ZC3H12B: variants seen among roughly 807,000 people sequenced by gnomAD.
The protein encoded by ZC3H12B is zinc finger CCCH-type containing 12B, also known as probable ribonuclease ZC3H12B.
A neutral mutation model predicts 43.9 loss-of-function variants in ZC3H12B; 7 were observed. The ratio of observed to expected loss-of-function variants is 0.16; its 90% CI spans 0.09 to 0.30. ZC3H12B has a LOEUF of 0.30. Ranked by LOEUF, ZC3H12B falls within the 10% of genes least tolerant of loss-of-function variation. ZC3H12B has a pLI of 1.00. For missense variants in ZC3H12B, 475 were observed against 670.2 expected (o/e 0.71, Z 3.22); for synonymous variants, 222 against 241.7 (o/e 0.92, Z 0.76).
the ZC3H12B span, among the ~76,000 whole-genome samples, chrX:65,060,925 A>G: frequency 5.4e-5 from 6 of 111,544 alleles, no homozygotes; most frequent in Non-Finnish European, 9.4e-5. Context: ...ACTTGTTACT[A>G]TAGCTTCATT....
At chrX:65,120,295 CA>C in the ZC3H12B span, among the ~76,000 whole-genome samples, 2 of 111,623 alleles carry the variant, frequency 1.8e-5, no homozygotes, top group South Asian at 7.5e-4. Context: ...AATGTTCTTC[CA>C]TTTGTTTGTA....
chrX:65,299,167 C>T, the ZC3H12B span, among the ~76,000 whole-genome samples: 1 of 112,017 alleles, frequency 8.9e-6, no homozygotes, highest in Non-Finnish European at 1.9e-5. Context: ...AAATAGAAAG[C>T]ATGAAGTTCA....
the ZC3H12B span, among the ~76,000 whole-genome samples, chrX:65,063,808 G>A: frequency 9.0e-6 from 1 of 111,684 alleles, no homozygotes; most frequent in African/African-American, 3.3e-5. Flanking sequence ...TGGTTGATAA[G>A]CTATTAATTA....
the ZC3H12B span, among the ~76,000 whole-genome samples, chrX:65,228,051 G>T: frequency 9.0e-6 from 1 of 111,638 alleles, no homozygotes; most frequent in African/African-American, 3.3e-5. Context: ...GCATCATCTT[G>T]ATACTAAAGC....
the ZC3H12B span, among the ~76,000 whole-genome samples, chrX:65,193,082 A>T: frequency 9.3e-6 from 1 of 107,734 alleles, no homozygotes; most frequent in Non-Finnish European, 1.9e-5. Flanking sequence ...TTTTGCATCA[A>T]TATTAATCAG....
the ZC3H12B span, among the ~76,000 whole-genome samples, chrX:65,129,299 A>G: frequency 1.8e-5 from 2 of 108,118 alleles, no homozygotes; most frequent in Admixed American, 2.0e-4. Context: ...TAGAATATAT[A>G]TGTCATATGC....
chrX:65,053,717 C>A, the ZC3H12B span, among the ~76,000 whole-genome samples: 4 of 111,569 alleles, frequency 3.6e-5, no homozygotes, highest in African/African-American at 1.3e-4. Context: ...AGTTTACAGT[C>A]CCACCAACAG....
the ZC3H12B span, among the ~76,000 whole-genome samples, chrX:65,249,991 G>A: frequency 1.8e-5 from 2 of 109,624 alleles, no homozygotes; most frequent in Non-Finnish European, 3.8e-5. Context: ...ACAACGTGCA[G>A]GTTTGTTACA....
At position 65,443,682 on chromosome X, in the gene ZC3H12B, T is replaced by C. The variant is rs773798290; in HGVS notation, n.408-44964T>C. Among the ~76,000 whole-genome samples the C allele has an allele frequency of 1.4e-3, 158 of 112,723 alleles. 1 individual carries two copies. Among genetic ancestry groups the C allele is most frequent in the African/African-American group, 5.0e-3 (155 of 31,102 alleles). ...GTTTAAGAATGCCTTTAAGCGGTTT[T>C]CCAGCCTGGGCGGGCCAGGTGTTCC... On this transcript the variant is annotated intron_variant and non_coding_transcript_variant, in intron 3 of 5. Coordinates refer to the ZC3H12B transcript ENST00000617377.
the ZC3H12B span, among the ~76,000 whole-genome samples, chrX:65,304,560 G>A: frequency 3.2e-4 from 34 of 107,640 alleles, no homozygotes; most frequent in Admixed American, 3.1e-3. Context: ...AGCTTGCAGT[G>A]AGCCAAGATC....
At chrX:65,271,258 C>G in the ZC3H12B span, 2 of 112,044 alleles carry the variant, frequency 1.8e-5, no homozygotes, top group African/African-American at 3.3e-5. Context: ...TTCATCTAGC[C>G]ATCATCTCTG....
At chrX:65,362,657 A>C, upstream of ZC3H12B, among the ~76,000 whole-genome samples, 1 of 110,179 alleles carries the variant, frequency 9.1e-6, no homozygotes, top group African/African-American at 3.3e-5. Context: ...TATCCCATTA[A>C]AACATAATCA....
chrX:65,091,811 T>C, the ZC3H12B span, among the ~76,000 whole-genome samples: 171 of 112,459 alleles, frequency 1.5e-3, 2 homozygotes, highest in South Asian at 0.059. Flanking sequence ...ATTATCTGTA[T>C]GTTCTGTTCA....
chrX:65,150,344 T>C, the ZC3H12B span, among the ~76,000 whole-genome samples: 1 of 111,249 alleles, frequency 9.0e-6, no homozygotes, highest in Non-Finnish European at 1.9e-5. Context: ...TCATATTTGC[T>C]GAGACAAAGA....
At chrX:65,217,317 G>A in the ZC3H12B span, among the ~76,000 whole-genome samples, 2 of 111,637 alleles carry the variant, frequency 1.8e-5, no homozygotes, top group Non-Finnish European at 3.8e-5. Flanking sequence ...TTGAATTTTT[G>A]GAAAGCCCTC....
At chrX:65,056,742 T>G in the ZC3H12B span, among the ~76,000 whole-genome samples, 1 of 111,495 alleles carries the variant, frequency 9.0e-6, no homozygotes, top group East Asian at 2.8e-4. Context: ...TTTCTAGGTG[T>G]CTAAGGACTT....
the ZC3H12B span, among the ~76,000 whole-genome samples, chrX:65,115,653 A>C: frequency 9.0e-6 from 1 of 111,578 alleles, no homozygotes; most frequent in African/African-American, 3.3e-5. Context: ...TAGTGGTTCT[A>C]CCAGTTTACA....
At chrX:65,194,947 G>A in the ZC3H12B span, among the ~76,000 whole-genome samples, 1 of 111,548 alleles carries the variant, frequency 9.0e-6, no homozygotes, top group Non-Finnish European at 1.9e-5. Flanking sequence ...TGTAGTTTTT[G>A]TCTTGAAATT....
At chrX:65,261,750 A>T in the ZC3H12B span, among the ~76,000 whole-genome samples, 8 of 111,472 alleles carry the variant, frequency 7.2e-5, 1 homozygote, top group South Asian at 3.0e-3. Flanking sequence ...TTTAAATAAA[A>T]GTGAGTCAAC....
Sources: allele counts gnomAD v4.1 joint callset (sites outside exome capture counted in the v4.1 genomes callset), GRCh38; gene constraint gnomAD v4.1.1; transcripts MANE v1.5; gene names NCBI Gene and HGNC (gene_info 2026-07-23, HGNC 2026-07-21).